ACACB: variants seen among roughly 807,000 people sequenced by gnomAD.
The protein encoded by ACACB is acetyl-CoA carboxylase beta.
In ACACB, 209 loss-of-function variants were observed where a neutral mutation model predicts 278.8. The observed-to-expected ratio is 0.75, with a 90% confidence interval of 0.67 to 0.84. The LOEUF is 0.84. Among genes scored for constraint, ACACB ranks in the 40% least tolerant of loss-of-function variants. The probability of loss-of-function intolerance (pLI) is 0.00; values close to 1 mark genes in which losing one functional copy is unlikely to be tolerated. For missense variants in ACACB, 2,850 were observed against 3,269.0 expected (o/e 0.87, Z 3.13); for synonymous variants, 1,174 against 1,285.6 (o/e 0.91, Z 1.86).
intron 1 of ACACB, among the ~76,000 whole-genome samples, chr12:109,120,545 GT>G (rs887517638): frequency 4.6e-5 from 7 of 152,034 alleles, no homozygotes; most frequent in African/African-American, 1.7e-4. Context: ...GTGTGTGCAT[GT>G]GTGTATGCAT....
At chr12:109,204,357 C>T (rs540605169) in intron 19 of ACACB, among the ~76,000 whole-genome samples, 2 of 149,650 alleles carry the variant, frequency 1.3e-5, no homozygotes, top group South Asian at 4.2e-4. Flanking sequence ...TCACTGCAAC[C>T]TCTACCTCCA....
At chr12:109,179,844 A>G (rs1315991356) in intron 10 of ACACB, 73 bp from the exon 11 acceptor site, 2 of 1,506,498 alleles carry the variant, frequency 1.3e-6, no homozygotes, top group African/African-American at 1.4e-5. Flanking sequence ...TGGTGAAGGA[A>G]CTGATAGTCA....
intron 34 of ACACB, among the ~76,000 whole-genome samples, chr12:109,238,714 C>T (rs912625536): frequency 2.6e-5 from 4 of 151,394 alleles, no homozygotes; most frequent in Non-Finnish European, 5.9e-5. Flanking sequence ...TACAGGCACA[C>T]CCCACCATGC....
At chr12:109,189,246 G>A (rs905966126) in intron 13 of ACACB, among the ~76,000 whole-genome samples, 3 of 152,206 alleles carry the variant, frequency 2.0e-5, no homozygotes, top group South Asian at 2.1e-4. Context: ...ACTTAGCCAC[G>A]AATTAAATTG....
chr12:109,175,351 GA>G (rs2044249717), intron 7 of ACACB, among the ~76,000 whole-genome samples: 2 of 152,084 alleles, frequency 1.3e-5, no homozygotes, highest in Non-Finnish European at 2.9e-5. Context: ...GTAGAATTGG[GA>G]TTTTTTTTTG....
chr12:109,242,320 G>A lies in ACACB; in HGVS notation c.5023-117G>A, dbSNP rs2046821964. On this transcript the variant is annotated intron_variant, in intron 36 of 52. Transcript: ENST00000338432. ...GTAGCCCAGGCACTCACTTTGTCATGCCATGTGACATGCTTTGCTTCCCCC... is the reference window on the plus strand; with the variant it reads ...GTAGCCCAGGCACTCACTTTGTCATACCATGTGACATGCTTTGCTTCCCCC... 1.2e-5 allele frequency: 14 copies of A among 1,178,750 alleles called. No individual in the cohort carries two copies. The South Asian group carries it at 1.3e-4, about 11-fold the overall frequency. The allele number at this position is 1,178,750 out of a possible 1,614,324, so 73.0% of individuals were successfully genotyped here.
chr12:109,244,436 T>C (rs2046885393), intron 37 of ACACB, among the ~76,000 whole-genome samples: 1 of 152,198 alleles, frequency 6.6e-6, no homozygotes, highest in Admixed American at 6.5e-5. Flanking sequence ...TGGAAAAGTG[T>C]ATGTATTCAG....
chr12:109,242,537 A>T lies in ACACB; in HGVS notation c.5123A>T (p.Gln1708Leu). 6.2e-7 allele frequency: 1 copy of T among 1,614,132 alleles called. No individual in the cohort carries two copies. The highest frequency in any genetic ancestry group is 2.2e-5 in the East Asian group (1 of 44,878). ...TKDLLQAKRF[Q>L]AQTLGTTYIY... is the part of the protein sequence containing the mutation. ...GATCTGCTCCAGGCCAAGCGATTCC[A>T]GGCCCAGACCCTGGGAACCACCTAC... The change falls in exon 37 of 53, where the codon CAG becomes CTG. Residue 1708 changes from glutamine (Q) to leucine (L), a missense_variant. Physicochemically the swap from Gln to Leu is moderately radical, Grantham distance 113 (BLOSUM62 -2). Transcript: ENST00000338432.
Position 109,252,073 on chromosome 12 carries a change from G to A in ACACB, c.5818G>A (p.Ala1940Thr). 1 of 1,613,452 alleles carries A rather than the reference G, an allele frequency of 6.2e-7. No homozygotes were observed. Among genetic ancestry groups the A allele is most frequent in the Non-Finnish European group, 8.5e-7 (1 of 1,179,782 alleles). The change falls in exon 42 of 53, where the codon GCC becomes ACC. Residue 1940 changes from alanine to threonine, a missense_variant. By Grantham distance (58) the Ala-to-Thr change is moderately conservative. This residue lies in a region of ACACB where 6 missense variants were observed against 23.0 expected (regional missense o/e 0.26). Transcript: ENST00000338432. ...GACCTGCCGAGCCATTGGGATTGGG[G>A]CCTACTTGGTGAGGCTGGGCCAGCG... Reference protein sequence around the residue: ...LVTCRAIGIGAYLVRLGQRVI... With the variant: ...LVTCRAIGIGTYLVRLGQRVI...
chr12:109,229,310 G>T (rs1215155189), intron 28 of ACACB, among the ~76,000 whole-genome samples: 1 of 152,128 alleles, frequency 6.6e-6, no homozygotes, highest in Admixed American at 6.6e-5. Flanking sequence ...TCGTTTTACA[G>T]ATGGGAGCCC....
rs548057327 is a variant in ACACB, at chr12:109,143,867, T to C, written c.653+3809T>C. 3.9e-4 allele frequency among the ~76,000 whole-genome samples: 60 copies of C among 152,206 alleles called. 1 individual carries two copies. Among genetic ancestry groups the C allele is most frequent in the South Asian group, 2.9e-3 (14 of 4,818 alleles). On this transcript the variant is annotated intron_variant, in intron 2 of 52. Transcript: ENST00000338432. ...TGTCCAAACCTGGTGTTCCAGCCTG[T>C]TGGAAACAACGCATATCAAAATGAG...
chr12:109,160,023 G>T (rs2043672339), intron 2 of ACACB, among the ~76,000 whole-genome samples: 1 of 148,614 alleles, frequency 6.7e-6, no homozygotes, highest in Non-Finnish European at 1.5e-5. Context: ...CTGGGAGGCA[G>T]AGGTTGCAGT....
intron 11 of ACACB, among the ~76,000 whole-genome samples, chr12:109,183,212 T>A (rs554784727): frequency 1.3e-5 from 2 of 152,336 alleles, no homozygotes; most frequent in East Asian, 3.9e-4. Flanking sequence ...AGTCAGGTAA[T>A]TCAATTCCTC....
intron 20 of ACACB, 83 bp from the exon 21 acceptor site, chr12:109,209,082 G>C (rs2045602949): frequency 1.4e-6 from 2 of 1,446,606 alleles, no homozygotes; most frequent in Non-Finnish European, 9.3e-7. Context: ...AGGATGGGTT[G>C]AGCTGTGTTG....
rs1325925078 is a variant in ACACB at position 109,247,639 on chromosome 12, T to C, written c.5605T>C (p.Tyr1869His). ...FKYLYLTPQDYTRISSLNSVH... is the reference protein window; with the variant it reads ...FKYLYLTPQDHTRISSLNSVH... Reference sequence around the variant, plus strand: ...ATACCTGTACCTGACTCCCCAAGACTACACCAGAATCAGCTCCCTGAACTC... The same window carrying C: ...ATACCTGTACCTGACTCCCCAAGACCACACCAGAATCAGCTCCCTGAACTC... The change falls in exon 40 of 53, where the codon TAC (tyrosine) becomes CAC (histidine). Residue 1869 changes from tyrosine to histidine, a missense_variant. Around this residue, in one of 3 missense-constraint regions of ACACB, gnomAD observed 2,265 missense variants for 2,561.3 expected, o/e 0.88. Transcript: ENST00000338432. 1 of 1,614,004 alleles carries C rather than the reference T, an allele frequency of 6.2e-7. No homozygotes were observed. The highest frequency in any genetic ancestry group is 1.1e-5 in the South Asian group (1 of 91,074).
At chr12:109,141,170 A>T (rs1486016268) in intron 2 of ACACB, among the ~76,000 whole-genome samples, 1 of 151,934 alleles carries the variant, frequency 6.6e-6, no homozygotes, top group Non-Finnish European at 1.5e-5. Flanking sequence ...TGCTGGGATT[A>T]CAGGCATGAG....
upstream of ACACB, among the ~76,000 whole-genome samples, chr12:109,113,584 T>G (rs2042349100): frequency 6.6e-6 from 1 of 152,268 alleles, no homozygotes; most frequent in Admixed American, 6.5e-5. Flanking sequence ...TATAAATTGT[T>G]TGCATTTTTT....
At chr12:109,259,834 G>C (rs2047332360) in intron 47 of ACACB, among the ~76,000 whole-genome samples, 1 of 152,206 alleles carries the variant, frequency 6.6e-6, no homozygotes, top group African/African-American at 2.4e-5. Flanking sequence ...GGGAGAGAGT[G>C]GCTGTTGGAT....
chr12:109,179,133 G>C lies in ACACB; in HGVS notation c.1483G>C (p.Ala495Pro). ...PGSPIFLMKL[A>P]QHARHLEVQI... ...CTCGCCCATCTTTCTCATGAAGCTG[G>C]CCCAGCACGCCCGTCACCTGGAAGT... The change falls in exon 10 of 53, where the codon GCC becomes CCC. Residue 495 changes from alanine (A) to proline (P), a missense_variant. Around this residue, in one of 3 missense-constraint regions of ACACB, gnomAD observed 2,265 missense variants for 2,561.3 expected, o/e 0.88. Coordinates refer to ENST00000338432, the MANE Select transcript of ACACB (RefSeq NM_001093.4). 2.5e-6 allele frequency: 4 copies of C among 1,613,894 alleles called. No individual in the cohort carries two copies. Among genetic ancestry groups the C allele is most frequent in the Non-Finnish European group, 3.4e-6 (4 of 1,179,928 alleles).
Sources: allele counts gnomAD v4.1 joint callset (sites outside exome capture counted in the v4.1 genomes callset), GRCh38; gene constraint gnomAD v4.1.1; regional missense constraint gnomAD v4.1.1; transcripts MANE v1.5; gene names NCBI Gene and HGNC (gene_info 2026-07-23, HGNC 2026-07-21).